HMGA2: variants seen among roughly 807,000 people sequenced by gnomAD.
HMGA2 encodes the protein high mobility group AT-hook 2, also known as high mobility group protein HMGI-C.
In HMGA2, 8 loss-of-function variants were observed where a neutral mutation model predicts 19.1. The observed-to-expected ratio is 0.42, with a 90% CI of 0.25 to 0.76. The LOEUF (loss-of-function observed/expected upper bound fraction) is 0.76, where lower values mean the gene tolerates loss of function less well. Among genes scored for constraint, HMGA2 ranks in the 30% least tolerant of loss-of-function variants. The pLI is 0.28. For missense variants in HMGA2, 109 were observed against 136.3 expected (o/e 0.80, Z 1.00); for synonymous variants, 60 against 48.8 (o/e 1.23, Z -0.96).
intron 3 of HMGA2, among the ~76,000 whole-genome samples, chr12:65,861,326 A>G (rs1308449125): frequency 6.6e-6 from 1 of 152,172 alleles, no homozygotes; most frequent in East Asian, 1.9e-4. Context: ...AGATCGTGCC[A>G]CCGCACCTCC....
chr12:65,915,766 T>C (rs1185328300), intron 3 of HMGA2, among the ~76,000 whole-genome samples: 1 of 152,236 alleles, frequency 6.6e-6, no homozygotes, highest in East Asian at 1.9e-4. Flanking sequence ...GTTTAAATTT[T>C]GGACATTTGG....
In HMGA2 at chr12:65,963,694, C is replaced by T. The variant is rs1248413501; in HGVS notation, c.*402C>T. The T allele has an allele frequency of 2.7e-6, 1 of 369,144 alleles. No homozygotes were observed. The highest frequency in any genetic ancestry group is 5.0e-6 in the Non-Finnish European group (1 of 199,152). 22.9% of individuals were successfully genotyped at this position (369,144 alleles called of 1,614,324 possible). ...CTGCATGCAAACAAGAAACGTGTCA[C>T]ACTTGTGACGTCGGGCATTCATATA... On this transcript the variant is annotated 3_prime_UTR_variant, in exon 5 of 5. Coordinates refer to ENST00000403681, the MANE Select transcript of HMGA2 (RefSeq NM_003483.6).
intron 3 of HMGA2, among the ~76,000 whole-genome samples, chr12:65,919,971 C>T (rs1351962816): frequency 6.6e-6 from 1 of 152,180 alleles, no homozygotes; most frequent in African/African-American, 2.4e-5. Context: ...TTTTCTTGTG[C>T]ACAAAGTTGA....
intron 2 of HMGA2, among the ~76,000 whole-genome samples, chr12:65,832,125 T>A (rs1870506686): frequency 6.6e-6 from 1 of 151,918 alleles, no homozygotes; most frequent in Admixed American, 6.6e-5. Flanking sequence ...AAAGTCCAAC[T>A]GTTGTTCCAT....
intron 3 of HMGA2, chr12:65,881,945 C>T (rs1418330491): frequency 1.4e-6 from 1 of 700,482 alleles, no homozygotes; most frequent in Admixed American, 2.0e-5. Context: ...ATTCCAATTG[C>T]GGGGGTTCCT....
chr12:65,843,926 G>A (rs1871123762), intron 3 of HMGA2, among the ~76,000 whole-genome samples: 2 of 151,944 alleles, frequency 1.3e-5, no homozygotes, highest in African/African-American at 4.8e-5. Flanking sequence ...GCCCATGCCT[G>A]TAGTCCCAGC....
At chr12:65,915,462 T>C (rs578240228) in intron 3 of HMGA2, 1 of 1,238,062 alleles carries the variant, frequency 8.1e-7, no homozygotes, top group Non-Finnish European at 1.0e-6. Flanking sequence ...GGGATCCACC[T>C]TTTTGCAGAA....
intron 3 of HMGA2, among the ~76,000 whole-genome samples, chr12:65,943,039 C>T (rs1266673055): frequency 6.6e-6 from 1 of 152,008 alleles, no homozygotes; most frequent in Non-Finnish European, 1.5e-5. Context: ...TTGATGAGCA[C>T]GCCTCCCCGC....
intron 3 of HMGA2, among the ~76,000 whole-genome samples, chr12:65,849,299 G>C (rs1390898741): frequency 6.6e-6 from 1 of 152,128 alleles, no homozygotes; most frequent in Non-Finnish European, 1.5e-5. Flanking sequence ...CACTCTCCTA[G>C]GGGTGGAGTT....
rs545546135 is a variant in HMGA2 at position 65,857,885 on chromosome 12, T to G, written c.249+19316T>G. 5.2e-5 allele frequency: 8 copies of G among 152,780 alleles called. No homozygotes were observed. In the East Asian group the frequency reaches 1.5e-3, roughly 29 times the overall value. The allele number at this position is 152,780 out of a possible 1,614,324, so 9.5% of individuals were successfully genotyped here. A position where few individuals can be genotyped will look rare whatever the true frequency, so the allele number is the denominator to read the frequency against. On this transcript the variant is annotated intron_variant, in intron 3 of 4. Transcript: ENST00000403681. ...GAACAATATTTTCCCTTCTGTCGTT[T>G]TGATAATTACATCCTCTGTGCTCAG...
At chr12:65,936,975 C>A (rs1450454338) in intron 3 of HMGA2, among the ~76,000 whole-genome samples, 6 of 152,132 alleles carry the variant, frequency 3.9e-5, no homozygotes, top group Non-Finnish European at 8.8e-5. Flanking sequence ...CACCTCCTAA[C>A]CCTTACAAAG....
intron 3 of HMGA2, among the ~76,000 whole-genome samples, chr12:65,861,843 T>C (rs1035978699): frequency 4.0e-5 from 6 of 151,160 alleles, no homozygotes; most frequent in Non-Finnish European, 8.8e-5. Context: ...GTGCAACATG[T>C]TTCTTTTTTT....
At position 65,914,566 on chromosome 12, in the gene HMGA2, C is replaced by T. The variant is rs112098654; in HGVS notation, c.250-36817C>T. ...CTAGATGACGAGTTAGTGGGTGCAG[C>T]GCACCAGCACGGCACATGTATACAT... On this transcript the variant is annotated intron_variant, in intron 3 of 4. Coordinates refer to ENST00000403681, the MANE Select transcript of HMGA2 (RefSeq NM_003483.6). Among the ~76,000 whole-genome samples the T allele has an allele frequency of 1.8e-3, 277 of 151,546 alleles. 3 individuals carry two copies. The highest frequency in any genetic ancestry group is 6.1e-3 in the African/African-American group (254 of 41,316).
chr12:65,859,946 C>G (rs998371074), intron 3 of HMGA2: 5 of 319,252 alleles, frequency 1.6e-5, no homozygotes, highest in South Asian at 7.5e-5. Flanking sequence ...TAAAAATTAG[C>G]CAGGTGTGTG....
intron 4 of HMGA2, chr12:65,951,797 T>C (rs1411449152): frequency 1.1e-5 from 2 of 178,756 alleles, no homozygotes; most frequent in Admixed American, 5.9e-5. Context: ...ATTTAATGAT[T>C]CATGACTGGA....
At chr12:65,864,097 TG>T (rs1333619723) in intron 3 of HMGA2, among the ~76,000 whole-genome samples, 1 of 152,148 alleles carries the variant, frequency 6.6e-6, no homozygotes, top group Non-Finnish European at 1.5e-5. Context: ...AGGGATTTTG[TG>T]CTAGTAGTTG....
chr12:65,892,137 G>T (rs749012419), intron 3 of HMGA2, among the ~76,000 whole-genome samples: 10 of 152,312 alleles, frequency 6.6e-5, no homozygotes, highest in Non-Finnish European at 1.0e-4. Context: ...AAACCTAAGA[G>T]GGAACATACC....
rs555141757 is a variant in HMGA2, at chr12:65,867,138, AC to A, written c.249+28570del. 1.2e-4 allele frequency among the ~76,000 whole-genome samples: 18 copies of A among 152,342 alleles called. No homozygotes were observed. The South Asian group carries it at 2.7e-3, about 23-fold the overall frequency. ...AACTAGCTCACATAATGACAAAAAA[AC>A]ATTGACACTAAATTGAGGGCCTGCC... On this transcript the variant is annotated intron_variant, in intron 3 of 4. Transcript: ENST00000403681.
chr12:65,952,696 C>G (rs929681472), intron 4 of HMGA2: 1 of 297,838 alleles, frequency 3.4e-6, no homozygotes, highest in Non-Finnish European at 6.2e-6. Flanking sequence ...TTTAGCCTCT[C>G]ATCCTTTAAC....
Sources: allele counts gnomAD v4.1 joint callset (sites outside exome capture counted in the v4.1 genomes callset), GRCh38; gene constraint gnomAD v4.1.1; transcripts MANE v1.5; gene names NCBI Gene and HGNC (gene_info 2026-07-23, HGNC 2026-07-21).